ARMC8: variants seen among roughly 807,000 people sequenced by gnomAD.
The protein encoded by ARMC8 is armadillo repeat-containing protein 8.
ARMC8 carries 20 observed loss-of-function variants against 99.3 expected under a neutral mutation model. The ratio of observed to expected loss-of-function variants is 0.20; its 90% CI spans 0.14 to 0.29. ARMC8 has a LOEUF of 0.29. Ranked by LOEUF, ARMC8 falls within the 10% of genes least tolerant of loss-of-function variation. ARMC8 has a pLI of 1.00. For synonymous variants in ARMC8, 263 were observed against 278.3 expected, an observed-to-expected ratio of 0.95 and a Z score of 0.55; for missense variants, 569 against 809.5, an observed-to-expected ratio of 0.70 and a Z score of 3.60.
intron 2 of ARMC8, among the ~76,000 whole-genome samples, chr3:138,218,265 ATAT>A (rs1004410417): frequency 2.6e-5 from 4 of 152,162 alleles, no homozygotes; most frequent in African/African-American, 9.7e-5. Context: ...CTCTTAACTA[ATAT>A]TATAAGCATT....
intron 17 of ARMC8, 55 bp downstream of exon 17, chr3:138,273,171 G>GACATTGCTCTCT (rs2048945526): frequency 2.0e-6 from 3 of 1,515,152 alleles, no homozygotes; most frequent in Non-Finnish European, 2.7e-6. Context: ...TGCATTGCAA[G>GACATTGCTCTCT]ACATTGCTCT....
intron 12 of ARMC8, chr3:138,246,539 A>G: frequency 1.0e-6 from 1 of 985,642 alleles, no homozygotes; most frequent in Non-Finnish European, 1.2e-6. Flanking sequence ...ATACACAATT[A>G]TTTGGTTTAG....
At chr3:138,262,592 GA>G in intron 12 of ARMC8, 2 of 1,574,380 alleles carry the variant, frequency 1.3e-6, no homozygotes, top group Non-Finnish European at 8.6e-7. Flanking sequence ...CTCACCTGAG[GA>G]GATTAAAAAA....
rs563073267 is a variant in ARMC8, at chr3:138,235,658, A to G, written c.609+544A>G. Among the ~76,000 whole-genome samples the G allele has an allele frequency of 1.5e-4, 23 of 152,330 alleles. 1 individual carries two copies. Among genetic ancestry groups the G allele is most frequent in the Middle Eastern group, 3.4e-3 (1 of 294 alleles). On this transcript the variant is annotated intron_variant, in intron 7 of 21. Transcript: ENST00000469044. ...CTTCGCCATTCATTGTTGTCCATCT[A>G]CAAGTTGTAGCAAATATTGGCATGT...
At chr3:138,266,642 G>A (rs562910239) in intron 14 of ARMC8, among the ~76,000 whole-genome samples, 1 of 152,284 alleles carries the variant, frequency 6.6e-6, no homozygotes, top group African/African-American at 2.4e-5. Flanking sequence ...GAAGTGTCCA[G>A]TTGGAACTAG....
chr3:138,292,734 CAGG>C (rs1157269303), intron 21 of ARMC8, among the ~76,000 whole-genome samples: 2 of 152,092 alleles, frequency 1.3e-5, no homozygotes, highest in Non-Finnish European at 2.9e-5. Context: ...CTTGGAAGAG[CAGG>C]GCTATAAATC....
chr3:138,269,246 G>C (rs1330454137), intron 15 of ARMC8, among the ~76,000 whole-genome samples: 2 of 151,796 alleles, frequency 1.3e-5, no homozygotes, highest in Non-Finnish European at 2.9e-5. Flanking sequence ...CCTTTTTCTG[G>C]GTATATAGAT....
At chr3:138,244,317 G>C (rs1219842696) in intron 11 of ARMC8, among the ~76,000 whole-genome samples, 3 of 151,770 alleles carry the variant, frequency 2.0e-5, no homozygotes, top group Non-Finnish European at 4.4e-5. Context: ...TCGCTCTGTT[G>C]CCCAGGCTAG....
intron 1 of ARMC8, among the ~76,000 whole-genome samples, chr3:138,207,830 A>G (rs1365819660): frequency 6.6e-6 from 1 of 152,220 alleles, no homozygotes; most frequent in Non-Finnish European, 1.5e-5. Context: ...GAGTCCTTCT[A>G]ACTCTGTGAT....
chr3:138,201,503 C>A (rs1410669520), intron 1 of ARMC8, among the ~76,000 whole-genome samples: 2 of 108,442 alleles, frequency 1.8e-5, no homozygotes, highest in Admixed American at 2.9e-4. Flanking sequence ...TGCTCTGTCT[C>A]CAGGCTGGAG....
chr3:138,243,571 A>G (rs988475551), intron 11 of ARMC8, among the ~76,000 whole-genome samples: 1 of 152,192 alleles, frequency 6.6e-6, no homozygotes, highest in Non-Finnish European at 1.5e-5. Context: ...CCTATAATCC[A>G]TCAGTGTCTG....
rs73867050 is a variant in ARMC8, at chr3:138,245,862, C to T, written c.1134+679C>T. ...CTCTGACTTGGCTCCTTCCACAAAC[C>T]AAAAAGCTGGAACTTACCACTCAAA... On this transcript the variant is annotated intron_variant, in intron 12 of 21. Coordinates refer to ENST00000469044, the MANE Select transcript of ARMC8 (RefSeq NM_001363941.2). 842 of 985,498 alleles carry T rather than the reference C, an allele frequency of 8.5e-4. 5 individuals carry two copies. In the African/African-American group the frequency reaches 0.014, roughly 16 times the overall value. 61.0% of individuals were successfully genotyped at this position (985,498 alleles called of 1,614,324 possible). A position where few individuals can be genotyped will look rare whatever the true frequency, so the allele number is the denominator to read the frequency against.
intron 21 of ARMC8, among the ~76,000 whole-genome samples, chr3:138,293,602 T>A (rs2051195766): frequency 6.6e-6 from 1 of 151,344 alleles, no homozygotes; most frequent in African/African-American, 2.4e-5. Flanking sequence ...GTCAGATGAG[T>A]GTACCATCAA....
intron 19 of ARMC8, among the ~76,000 whole-genome samples, chr3:138,286,724 CAG>C (rs200370236): frequency 0.013 from 2,029 of 152,248 alleles, 13 homozygotes; most frequent in Middle Eastern, 0.02. Flanking sequence ...TACGTACAGA[CAG>C]AGTTGAGAAC....
At chr3:138,244,558 G>A (rs1458222322) in intron 11 of ARMC8, among the ~76,000 whole-genome samples, 5 of 152,164 alleles carry the variant, frequency 3.3e-5, no homozygotes, top group Non-Finnish European at 4.4e-5. Context: ...GATTACAGGC[G>A]TGAGCCACCG....
intron 2 of ARMC8, among the ~76,000 whole-genome samples, chr3:138,210,528 C>T (rs771236548): frequency 2.0e-5 from 3 of 152,052 alleles, no homozygotes; most frequent in African/African-American, 4.8e-5. Flanking sequence ...ATACTCTTAG[C>T]GCATTAGTTC....
chr3:138,293,979 A>C (rs941909725), intron 21 of ARMC8, among the ~76,000 whole-genome samples: 40 of 152,168 alleles, frequency 2.6e-4, no homozygotes, highest in African/African-American at 9.4e-4. Flanking sequence ...AGTCCATCTA[A>C]GAAAGGGTGA....
At chr3:138,221,488 AATAAT>A (rs1279924099) in intron 2 of ARMC8, among the ~76,000 whole-genome samples, 2 of 152,298 alleles carry the variant, frequency 1.3e-5, no homozygotes, top group Non-Finnish European at 2.9e-5. Context: ...AATTGTAAGA[AATAAT>A]ATATAAAGAA....
chr3:138,263,148 G>A (rs2047920577), intron 12 of ARMC8, among the ~76,000 whole-genome samples: 1 of 152,228 alleles, frequency 6.6e-6, no homozygotes. Flanking sequence ...TTTGTATCTA[G>A]ACATTGATGA....
Sources: allele counts gnomAD v4.1 joint callset (sites outside exome capture counted in the v4.1 genomes callset), GRCh38; gene constraint gnomAD v4.1.1; transcripts MANE v1.5; gene names NCBI Gene and HGNC (gene_info 2026-07-23, HGNC 2026-07-21).